Variants in KCNH1 observed in about 807,000 individuals in gnomAD.
KCNH1 encodes potassium voltage-gated channel subfamily H member 1.
KCNH1 carries 27 observed loss-of-function variants against 69.2 expected under a neutral mutation model. The observed-to-expected ratio is 0.39, with a 90% CI of 0.29 to 0.54. The LOEUF (loss-of-function observed/expected upper bound fraction) is 0.54. Among genes scored for constraint, KCNH1 ranks in the 20% least tolerant of loss-of-function variants. The pLI is 0.68. For synonymous variants in KCNH1, 456 were observed against 487.7 expected (o/e 0.93, Z 0.86); for missense variants, 798 against 1,261.6 (o/e 0.63, Z 5.57).
chr1:210,779,663 A>C (rs966871773), intron 9 of KCNH1, among the ~76,000 whole-genome samples: 1 of 152,218 alleles, frequency 6.6e-6, no homozygotes, highest in Non-Finnish European at 1.5e-5. Flanking sequence ...CTGGGTGCAG[A>C]ATGTTAAAAC....
intron 7 of KCNH1, among the ~76,000 whole-genome samples, chr1:210,914,358 T>C (rs1398337247): frequency 6.6e-6 from 1 of 152,072 alleles, no homozygotes; most frequent in Non-Finnish European, 1.5e-5. Flanking sequence ...GAAAAATCAG[T>C]ATGTTGGTAC....
chr1:211,085,904 TCAGA>T (rs1558598438), intron 4 of KCNH1, among the ~76,000 whole-genome samples: 1 of 152,116 alleles, frequency 6.6e-6, no homozygotes, highest in Non-Finnish European at 1.5e-5. Flanking sequence ...TCAGGGGAAA[TCAGA>T]CAGTCATTTT....
intron 4 of KCNH1, among the ~76,000 whole-genome samples, chr1:211,088,146 G>A (rs1690990003): frequency 6.6e-6 from 1 of 152,172 alleles, no homozygotes; most frequent in African/African-American, 2.4e-5. Flanking sequence ...TATGGTGGTG[G>A]GAAAACATCC....
intron 7 of KCNH1, among the ~76,000 whole-genome samples, chr1:210,826,774 AACTG>A (rs1383440796): frequency 1.1e-4 from 17 of 152,240 alleles, no homozygotes; most frequent in Non-Finnish European, 2.5e-4. Flanking sequence ...TTACATTTCC[AACTG>A]ACTATGTGTG....
intron 7 of KCNH1, among the ~76,000 whole-genome samples, chr1:210,854,230 T>C (rs1297748192): frequency 6.6e-6 from 1 of 152,146 alleles, no homozygotes; most frequent in Non-Finnish European, 1.5e-5. Flanking sequence ...TCTCAATATA[T>C]TATCAAGTCA....
chr1:211,049,607 A>C (rs1358425045), intron 5 of KCNH1, among the ~76,000 whole-genome samples: 1 of 152,138 alleles, frequency 6.6e-6, no homozygotes, highest in Non-Finnish European at 1.5e-5. Flanking sequence ...TTTAAGTAAG[A>C]TAGTTTCATA....
At chr1:210,900,630 TA>T (rs1686975549) in intron 7 of KCNH1, among the ~76,000 whole-genome samples, 2 of 152,262 alleles carry the variant, frequency 1.3e-5, no homozygotes, top group African/African-American at 4.8e-5. Flanking sequence ...TTAGCCACCT[TA>T]CTAATTCTGG....
chr1:210,971,120 AT>A (rs1553366086), intron 6 of KCNH1, among the ~76,000 whole-genome samples: 2 of 151,794 alleles, frequency 1.3e-5, no homozygotes, highest in Non-Finnish European at 2.9e-5. Flanking sequence ...CAGAATGATG[AT>A]TTTTTTTGTT....
At chr1:210,838,805 T>C (rs1050335631) in intron 7 of KCNH1, among the ~76,000 whole-genome samples, 2 of 151,966 alleles carry the variant, frequency 1.3e-5, no homozygotes, top group Non-Finnish European at 2.9e-5. Flanking sequence ...AAAAAACATA[T>C]GAAAAAAGCT....
chr1:210,974,524 T>C (rs1387132661), intron 6 of KCNH1, among the ~76,000 whole-genome samples: 1 of 151,484 alleles, frequency 6.6e-6, no homozygotes, highest in Non-Finnish European at 1.5e-5. Context: ...AGAGTACTAC[T>C]AGTCTCAAAG....
chr1:210,942,730 C>A (rs1191207683), intron 6 of KCNH1, among the ~76,000 whole-genome samples: 1 of 151,394 alleles, frequency 6.6e-6, no homozygotes, highest in Non-Finnish European at 1.5e-5. Context: ...ACTCAGAGAC[C>A]CATAGGGGAG....
chr1:211,059,745 G>GA (rs1290240527), intron 5 of KCNH1, among the ~76,000 whole-genome samples: 1 of 148,576 alleles, frequency 6.7e-6, no homozygotes, highest in Non-Finnish European at 1.5e-5. Flanking sequence ...TCCATCTCAA[G>GA]AAAAAAAGAG....
chr1:211,059,767 G>C (rs1690395795), intron 5 of KCNH1, among the ~76,000 whole-genome samples: 1 of 151,936 alleles, frequency 6.6e-6, no homozygotes, highest in Non-Finnish European at 1.5e-5. Context: ...GAGAGAGAGA[G>C]AGAGAGAGAG....
chr1:210,902,118 A>G (rs1467341280), intron 7 of KCNH1, among the ~76,000 whole-genome samples: 1 of 152,092 alleles, frequency 6.6e-6, no homozygotes, highest in African/African-American at 2.4e-5. Context: ...AAGTCAACCA[A>G]TGAGGGGAGG....
chr1:210,819,746 T>C (rs1684888352), intron 7 of KCNH1, among the ~76,000 whole-genome samples: 1 of 152,232 alleles, frequency 6.6e-6, no homozygotes, highest in Admixed American at 6.5e-5. Flanking sequence ...TGAAATTCTC[T>C]GGGTTTTCCA....
intron 10 of KCNH1, among the ~76,000 whole-genome samples, chr1:210,720,068 A>G (rs1420911205): frequency 6.6e-6 from 1 of 152,192 alleles, no homozygotes; most frequent in Non-Finnish European, 1.5e-5. Context: ...CACTGGGAAC[A>G]TCTCTAAAGC....
At chr1:210,922,117 C>G (rs576590774) in intron 6 of KCNH1, among the ~76,000 whole-genome samples, 5 of 151,596 alleles carry the variant, frequency 3.3e-5, no homozygotes, top group Non-Finnish European at 7.4e-5. Context: ...CGCGGTGGCT[C>G]ATGCCTGTAA....
At chr1:210,836,441 G>T (rs945122135) in intron 7 of KCNH1, among the ~76,000 whole-genome samples, 2 of 152,126 alleles carry the variant, frequency 1.3e-5, no homozygotes, top group African/African-American at 2.4e-5. Flanking sequence ...ATGCACTTTG[G>T]CAGAGTCCAA....
Position 210,683,581 on chromosome 1 carries a change from G to A in KCNH1, c.2670C>T (p.Arg890=). 1 of 1,614,152 alleles carries A rather than the reference G, an allele frequency of 6.2e-7. No homozygotes were observed. The highest frequency in any genetic ancestry group is 1.1e-5 in the South Asian group (1 of 91,074). The change falls in exon 11 of 11, where the codon CGC becomes CGT. Residue 890 remains arginine (R), a synonymous_variant. Coordinates refer to ENST00000271751, the MANE Select transcript of KCNH1 (RefSeq NM_172362.3). The surrounding 1 kb of genome is among the most constrained non-coding windows in gnomAD (Gnocchi z 5.7). The stretch of plus-strand genomic sequence containing the variant: ...TCCTGGCCTCACCCACGTTGTCCAG[G>A]CGCAAGTCGCTCTTGGTGATGCCAC... ...CDSGITKSDL[R]LDNVGEARSP...
Sources: allele counts gnomAD v4.1 joint callset (sites outside exome capture counted in the v4.1 genomes callset), GRCh38; gene constraint gnomAD v4.1.1; non-coding constraint Gnocchi (gnomAD v3.1); transcripts MANE v1.5; gene names NCBI Gene and HGNC (gene_info 2026-07-23, HGNC 2026-07-21).